The following DMXL2 variants were observed in gnomAD, a reference collection of about 807,000 sequenced individuals.
The protein encoded by DMXL2 is dmX-like protein 2.
Under a neutral mutation model 331.1 loss-of-function variants are expected in DMXL2, and 103 were observed. That is an observed-to-expected ratio of 0.31 (90% CI 0.27 to 0.37). The LOEUF (loss-of-function observed/expected upper bound fraction) is 0.37, where lower values mean the gene tolerates loss of function less well. Among genes scored for constraint, DMXL2 ranks in the 10% least tolerant of loss-of-function variants. The probability of loss-of-function intolerance (pLI) is 1.00; values close to 1 mark genes in which losing one functional copy is unlikely to be tolerated. For synonymous variants in DMXL2, 1,281 were observed against 1,252.1 expected, an observed-to-expected ratio of 1.02 and a Z score of -0.49; for missense variants, 3,171 against 3,642.9, an observed-to-expected ratio of 0.87 and a Z score of 3.33.
chr15:51,486,418 T>C, intron 22 of DMXL2, 81 bp from the exon 23 acceptor site: 1 of 1,066,454 alleles, frequency 9.4e-7, no homozygotes, highest in Non-Finnish European at 1.4e-6. Flanking sequence ...TACCCTGAAA[T>C]TATCTACCAT....
chr15:51,547,535 A>C (rs2048953872), intron 6 of DMXL2, 127 bp from the exon 7 acceptor site: 4 of 530,048 alleles, frequency 7.5e-6, no homozygotes, highest in Non-Finnish European at 1.2e-5. Context: ...CATAATACAA[A>C]ACTTATCTCA....
chr15:51,588,849 G>A (rs2052065590), intron 1 of DMXL2, among the ~76,000 whole-genome samples: 1 of 152,098 alleles, frequency 6.6e-6, no homozygotes, highest in South Asian at 2.1e-4. Context: ...GTTTCCTTCA[G>A]CAGCCAAATG....
At chr15:51,459,793 A>G in intron 33 of DMXL2, 133 bp from the exon 34 acceptor site, 1 of 1,213,368 alleles carries the variant, frequency 8.2e-7, no homozygotes. Context: ...AAAATCAAGA[A>G]AAAATTAAAC....
intron 40 of DMXL2, 139 bp from the exon 41 acceptor site, chr15:51,453,780 A>AT (rs1185963986): frequency 3.0e-6 from 2 of 656,864 alleles, no homozygotes; most frequent in Non-Finnish European, 5.2e-6. Context: ...GGATAAAAGA[A>AT]TAAGTGATAG....
intron 2 of DMXL2, among the ~76,000 whole-genome samples, chr15:51,571,248 T>C (rs977441241): frequency 7.9e-5 from 12 of 152,204 alleles, no homozygotes; most frequent in African/African-American, 2.4e-4. Flanking sequence ...ATCCTAAATA[T>C]ATATGCACCT....
At chr15:51,520,040 A>G (rs1223624913) in intron 13 of DMXL2, among the ~76,000 whole-genome samples, 10 of 152,158 alleles carry the variant, frequency 6.6e-5, no homozygotes, top group African/African-American at 2.4e-4. Flanking sequence ...TTTTTTCACA[A>G]TCTAACCTCT....
intron 34 of DMXL2, 36 bp from the exon 35 acceptor site, chr15:51,458,831 G>A: frequency 1.3e-6 from 2 of 1,555,786 alleles, no homozygotes; most frequent in Non-Finnish European, 8.9e-7. Context: ...AGTTGCTGCA[G>A]CACAGCTCTA....
intron 13 of DMXL2, among the ~76,000 whole-genome samples, chr15:51,519,986 G>A (rs2047264933): frequency 6.6e-6 from 1 of 152,104 alleles, no homozygotes; most frequent in African/African-American, 2.4e-5. Context: ...GTTGAGAACA[G>A]ACTTTGAGAA....
chr15:51,528,538 A>G (rs2047814109), intron 13 of DMXL2, among the ~76,000 whole-genome samples: 1 of 152,168 alleles, frequency 6.6e-6, no homozygotes, highest in African/African-American at 2.4e-5. Flanking sequence ...GAAGGTCACT[A>G]TATAATGCTG....
At chr15:51,582,132 C>T (rs2051470937) in intron 1 of DMXL2, among the ~76,000 whole-genome samples, 1 of 152,108 alleles carries the variant, frequency 6.6e-6, no homozygotes, top group African/African-American at 2.4e-5. Context: ...TACTGGGTGA[C>T]AAGTATTATA....
intron 6 of DMXL2, among the ~76,000 whole-genome samples, chr15:51,550,433 A>C (rs1380101866): frequency 2.6e-5 from 4 of 152,172 alleles, no homozygotes; most frequent in Non-Finnish European, 5.9e-5. Flanking sequence ...ATAATTCACG[A>C]ATATAACATG....
chr15:51,489,305 C>A (rs1375437250), intron 20 of DMXL2, among the ~76,000 whole-genome samples: 2 of 151,970 alleles, frequency 1.3e-5, no homozygotes, highest in Non-Finnish European at 2.9e-5. Flanking sequence ...AAGCAGGAAG[C>A]TATAATACTA....
intron 13 of DMXL2, among the ~76,000 whole-genome samples, chr15:51,519,174 T>A (rs891894236): frequency 5.3e-5 from 8 of 152,232 alleles, no homozygotes; most frequent in South Asian, 4.2e-4. Context: ...CTTCTTTTCT[T>A]TTTTCAGGGT....
chr15:51,458,410 C>A (rs79673953), intron 36 of DMXL2, 96 bp downstream of exon 36: 5 of 1,338,940 alleles, frequency 3.7e-6, no homozygotes, highest in African/African-American at 1.5e-5. Context: ...GAAGGAGATA[C>A]ACGTATACCT....
intron 13 of DMXL2, among the ~76,000 whole-genome samples, chr15:51,530,888 C>CA (rs2047963918): frequency 6.6e-6 from 1 of 151,390 alleles, no homozygotes; most frequent in Non-Finnish European, 1.5e-5. Flanking sequence ...TTGAAGAGGA[C>CA]AAAAAAAATG....
chr15:51,480,681 T>C lies in DMXL2; in HGVS notation c.6425A>G (p.Glu2142Gly). 6.2e-7 allele frequency: 1 copy of C among 1,612,808 alleles called. No homozygotes were observed. Among genetic ancestry groups the C allele is most frequent in the South Asian group, 1.1e-5 (1 of 90,996 alleles). The change falls in exon 24 of 44, where the codon GAA becomes GGA. Residue 2142 changes from glutamate (E) to glycine (G), a missense_variant. Coordinates refer to ENST00000560891, the MANE Select transcript of DMXL2 (RefSeq NM_001378457.1). ...RRLQAKREHA[E>G]RRKSWLQKNQ... ...TTTCTGCAACCACGACTTTCGTCTTTCTGCATGCTCTCGTTTGGCCTGCAA... is the reference window on the plus strand; with the variant it reads ...TTTCTGCAACCACGACTTTCGTCTTCCTGCATGCTCTCGTTTGGCCTGCAA...
chr15:51,596,485 A>G (rs1382806937), intron 1 of DMXL2, among the ~76,000 whole-genome samples: 1 of 152,246 alleles, frequency 6.6e-6, no homozygotes, highest in East Asian at 1.9e-4. Context: ...ACTGTAAACT[A>G]GTTCGACCAT....
Position 51,451,259 on chromosome 15 carries a change from T to C in DMXL2, c.8749+386A>G, listed in dbSNP as rs544071792. Among the ~76,000 whole-genome samples the C allele has an allele frequency of 6.7e-4, 102 of 152,206 alleles. 1 individual carries two copies. The Middle Eastern group carries it at 0.044, about 66-fold the overall frequency. On this transcript the variant is annotated intron_variant, in intron 42 of 43. Transcript: ENST00000560891. ...CCTGAGCAATACAGCATGACCTTGA[T>C]CTCCACAAAAAGGAAAAAAAGACAA...
intron 1 of DMXL2, among the ~76,000 whole-genome samples, chr15:51,616,187 C>G (rs1036468692): frequency 6.6e-6 from 1 of 152,070 alleles, no homozygotes; most frequent in Non-Finnish European, 1.5e-5. Context: ...CACCAAATTA[C>G]CATGTATATT....
Sources: gnomAD v4.1 joint callset for allele counts (sites outside exome capture counted in the v4.1 genomes callset) on GRCh38, gnomAD v4.1.1 for gene constraint, MANE v1.5 for transcripts, NCBI Gene and HGNC (gene_info 2026-07-23, HGNC 2026-07-21) for gene names.